The following PARD3B variants were observed in gnomAD, a reference collection of about 807,000 sequenced individuals.
PARD3B encodes partitioning defective 3 homolog B.
PARD3B carries 103 observed loss-of-function variants against 130.2 expected under a neutral mutation model. The observed-to-expected ratio is 0.79, with a 90% CI of 0.67 to 0.93. PARD3B has a LOEUF of 0.93. Among genes scored for constraint, PARD3B ranks in the 40% least tolerant of loss-of-function variants. The pLI is 0.00. For missense variants in PARD3B, 1,609 were observed against 1,499.2 expected, an observed-to-expected ratio of 1.07 and a Z score of -1.21; for synonymous variants, 583 against 553.2, an observed-to-expected ratio of 1.05 and a Z score of -0.76.
chr2:204,575,837 C>G (rs991857192), intron 1 of PARD3B, among the ~76,000 whole-genome samples: 1 of 152,220 alleles, frequency 6.6e-6, no homozygotes, highest in Non-Finnish European at 1.5e-5. Flanking sequence ...TAGAATCAGT[C>G]TTCACTGTCC....
chr2:204,705,343 G>A (rs755649189), intron 2 of PARD3B, among the ~76,000 whole-genome samples: 3 of 152,132 alleles, frequency 2.0e-5, no homozygotes, highest in Non-Finnish European at 4.4e-5. Context: ...GTAATGCTTG[G>A]TAATGGCTAT....
intron 15 of PARD3B, among the ~76,000 whole-genome samples, chr2:205,232,396 CTG>C (rs1374822368): frequency 6.6e-6 from 1 of 152,120 alleles, no homozygotes; most frequent in Admixed American, 6.5e-5. Flanking sequence ...GATTGTGCCA[CTG>C]TACTCCAACT....
At chr2:205,453,946 T>C (rs556648496) in intron 20 of PARD3B, among the ~76,000 whole-genome samples, 1 of 152,282 alleles carries the variant, frequency 6.6e-6, no homozygotes, top group South Asian at 2.1e-4. Context: ...GCAAATAGCA[T>C]GCATGCTGCT....
chr2:205,043,356 T>A (rs1698521932), intron 3 of PARD3B, among the ~76,000 whole-genome samples: 1 of 152,132 alleles, frequency 6.6e-6, no homozygotes, highest in Non-Finnish European at 1.5e-5. Flanking sequence ...GACAGTTCCA[T>A]GTCCTATGCA....
chr2:204,961,233 G>A (rs1028236349), intron 2 of PARD3B, among the ~76,000 whole-genome samples: 5 of 152,158 alleles, frequency 3.3e-5, no homozygotes, highest in South Asian at 4.1e-4. Flanking sequence ...GCTGTGTTGC[G>A]CGCAGGGGAA....
At chr2:204,574,996 T>C (rs2032182416) in intron 1 of PARD3B, among the ~76,000 whole-genome samples, 1 of 150,578 alleles carries the variant, frequency 6.6e-6, no homozygotes, top group Non-Finnish European at 1.5e-5. Flanking sequence ...GCTTTAGTTA[T>C]GGGTTTTTTA....
chr2:205,117,385 C>T (rs1057092576), intron 6 of PARD3B, among the ~76,000 whole-genome samples: 32 of 152,202 alleles, frequency 2.1e-4, no homozygotes, highest in African/African-American at 7.5e-4. Context: ...GTTCTTTCTC[C>T]TGCAGCAGCG....
At chr2:204,693,946 G>A (rs112368154) in intron 2 of PARD3B, among the ~76,000 whole-genome samples, 418 of 152,124 alleles carry the variant, frequency 2.7e-3, no homozygotes, top group African/African-American at 9.3e-3. Flanking sequence ...GCAGTGCCTG[G>A]CATTTCCTAG....
chr2:204,800,991 T>G (rs1326578362), intron 2 of PARD3B, among the ~76,000 whole-genome samples: 1 of 152,212 alleles, frequency 6.6e-6, no homozygotes, highest in Non-Finnish European at 1.5e-5. Context: ...TTTCTTGTTT[T>G]TATCAGGTTT....
chr2:205,217,876 A>G (rs1208996531), intron 15 of PARD3B, among the ~76,000 whole-genome samples: 3 of 85,816 alleles, frequency 3.5e-5, no homozygotes, highest in African/African-American at 1.6e-4. Context: ...GTGTATATAT[A>G]TATATATATA....
Position 205,586,166 on chromosome 2 carries a change from A to T in PARD3B, c.3261-29290A>T, listed in dbSNP as rs550917389. 2.0e-5 allele frequency among the ~76,000 whole-genome samples: 3 copies of T among 152,258 alleles called. No individual in the cohort carries two copies. The East Asian group carries it at 5.8e-4, about 29-fold the overall frequency. On this transcript the variant is annotated intron_variant, in intron 22 of 22. Transcript: ENST00000406610. ...CCTTTGTGTCCGCTCTTTATTTATGATGATAGCCGCCTATTCTTGAATGGC... is the reference window on the plus strand; with the variant it reads ...CCTTTGTGTCCGCTCTTTATTTATGTTGATAGCCGCCTATTCTTGAATGGC...
At chr2:205,451,687 GGT>G (rs10641965) in intron 20 of PARD3B, among the ~76,000 whole-genome samples, 2 of 131,856 alleles carry the variant, frequency 1.5e-5, no homozygotes. Context: ...TTATGTAATA[GGT>G]ATATATATAT....
At chr2:205,425,552 A>T (rs1443598496) in intron 19 of PARD3B, among the ~76,000 whole-genome samples, 3 of 1,900 alleles carry the variant, frequency 1.6e-3, no homozygotes, top group South Asian at 0.1. Context: ...ACTCGGTGTA[A>T]AAAAAAAAAA....
At chr2:205,566,359 T>A (rs1054797250) in intron 22 of PARD3B, among the ~76,000 whole-genome samples, 1 of 152,048 alleles carries the variant, frequency 6.6e-6, no homozygotes, top group South Asian at 2.1e-4. Context: ...CAGGGACAGA[T>A]GTTGATAGTA....
intron 1 of PARD3B, among the ~76,000 whole-genome samples, chr2:204,617,553 T>C (rs1465671523): frequency 6.6e-6 from 1 of 152,180 alleles, no homozygotes; most frequent in Admixed American, 6.6e-5. Flanking sequence ...TTTTTTTCTT[T>C]TTTTAAACTT....
At chr2:205,056,898 C>G (rs978045613) in intron 4 of PARD3B, among the ~76,000 whole-genome samples, 3 of 142,374 alleles carry the variant, frequency 2.1e-5, no homozygotes, top group African/African-American at 7.7e-5. Context: ...CACACACACA[C>G]ACATACACAC....
rs1701201950 is a variant in PARD3B, at chr2:205,078,401, C to T, written c.505-26025C>T. Among the ~76,000 whole-genome samples the T allele has an allele frequency of 6.6e-6, 1 of 152,028 alleles. No individual in the cohort carries two copies. ...TTTATGTTTTCAGGTGAGAGTATTT[C>T]TTTTCTAAAGATAGACCAAAGACCC... On this transcript the variant is annotated intron_variant, in intron 4 of 22. Coordinates refer to ENST00000406610, the MANE Select transcript of PARD3B (RefSeq NM_001302769.2). This position sits in a 1 kb window ranked among gnomAD's most constrained non-coding sequence, Gnocchi z 4.0.
At chr2:204,737,315 G>C (rs1205440998) in intron 2 of PARD3B, among the ~76,000 whole-genome samples, 2 of 152,116 alleles carry the variant, frequency 1.3e-5, no homozygotes, top group Admixed American at 1.3e-4. Flanking sequence ...ACTCATTGTG[G>C]TTTTAATTTG....
At chr2:205,115,243 G>A (rs79498989) in intron 6 of PARD3B, among the ~76,000 whole-genome samples, 37 of 152,214 alleles carry the variant, frequency 2.4e-4, no homozygotes, top group African/African-American at 8.9e-4. Flanking sequence ...TCCTGGTTCT[G>A]ATTCCTAGCA....
Sources: allele counts gnomAD v4.1 joint callset (sites outside exome capture counted in the v4.1 genomes callset), GRCh38; gene constraint gnomAD v4.1.1; non-coding constraint Gnocchi (gnomAD v3.1); transcripts MANE v1.5; gene names NCBI Gene and HGNC (gene_info 2026-07-23, HGNC 2026-07-21).